Variants in TENM2 observed in about 807,000 individuals in gnomAD.
TENM2 encodes the protein teneurin transmembrane protein 2.
A neutral mutation model predicts 245.2 loss-of-function variants in TENM2; 52 were observed. The observed-to-expected ratio is 0.21, with a 90% CI of 0.17 to 0.27. TENM2 has a LOEUF of 0.27. Among genes scored for constraint, TENM2 ranks in the 10% least tolerant of loss-of-function variants. The probability of loss-of-function intolerance (pLI) is 1.00; values close to 1 mark genes in which losing one functional copy is unlikely to be tolerated. For synonymous variants in TENM2, 1,363 were observed against 1,438.9 expected (o/e 0.95, Z 1.19); for missense variants, 3,046 against 3,666.8 (o/e 0.83, Z 4.37).
At chr5:167,630,059 C>A (rs1000445989) in intron 2 of TENM2, among the ~76,000 whole-genome samples, 1 of 151,958 alleles carries the variant, frequency 6.6e-6, no homozygotes, top group Non-Finnish European at 1.5e-5. Flanking sequence ...ATGTACAATG[C>A]ACATATTTCT....
At chr5:167,768,947 C>T (rs1285543859) in intron 2 of TENM2, among the ~76,000 whole-genome samples, 5 of 152,146 alleles carry the variant, frequency 3.3e-5, no homozygotes, top group African/African-American at 1.2e-4. Flanking sequence ...CTTTCTTCCC[C>T]ACATCTCCTA....
chr5:168,088,375 A>T lies in TENM2; in HGVS notation c.1516-2199A>T, dbSNP rs183000549. On this transcript the variant is annotated intron_variant, in intron 7 of 28. Transcript: ENST00000518659. The stretch of plus-strand genomic sequence containing the variant: ...GCATCAGTTTGTCATATCACTTTAA[A>T]TCATTTATTTTATCCCACAAAGACA... The T allele has an allele frequency of 3.3e-5, 5 of 152,344 alleles. No individual in the cohort carries two copies. In the East Asian group the frequency reaches 9.6e-4, roughly 29 times the overall value. 9.4% of individuals were successfully genotyped at this position (152,344 alleles called of 1,614,324 possible). A position where few individuals can be genotyped will look rare whatever the true frequency, so the allele number is the denominator to read the frequency against.
chr5:167,858,802 C>A (rs1177356583), intron 2 of TENM2, among the ~76,000 whole-genome samples: 1 of 149,602 alleles, frequency 6.7e-6, no homozygotes, highest in Non-Finnish European at 1.5e-5. Context: ...TTTGCCGCCG[C>A]GCCGGCGAGC....
At chr5:168,192,249 T>A (rs1476294204) in intron 14 of TENM2, among the ~76,000 whole-genome samples, 3 of 152,062 alleles carry the variant, frequency 2.0e-5, no homozygotes, top group Non-Finnish European at 2.9e-5. Context: ...GCCCTAGAAA[T>A]GTAATTCTCC....
At chr5:167,300,014 C>T (rs1394043525) in intron 1 of TENM2, among the ~76,000 whole-genome samples, 1 of 152,138 alleles carries the variant, frequency 6.6e-6, no homozygotes, top group East Asian at 1.9e-4. Context: ...AGCTGCTGCA[C>T]GCAGACATGA....
At chr5:167,937,411 G>A (rs1438025952) in intron 3 of TENM2, among the ~76,000 whole-genome samples, 2 of 152,196 alleles carry the variant, frequency 1.3e-5, no homozygotes. Context: ...TTATTAGGGT[G>A]TGTGGTAAGT....
chr5:167,210,685 G>A, the TENM2 span, among the ~76,000 whole-genome samples: 157 of 150,996 alleles, frequency 1.0e-3, no homozygotes, highest in Admixed American at 6.7e-3. Flanking sequence ...GGATGGTCTC[G>A]ATCTCCTGAC....
At chr5:167,282,970 C>G (rs1771139860), upstream of TENM2, among the ~76,000 whole-genome samples, 1 of 152,132 alleles carries the variant, frequency 6.6e-6, no homozygotes, top group Admixed American at 6.5e-5. Context: ...AGCAAGCTAG[C>G]TACTGCTTGT....
intron 13 of TENM2, among the ~76,000 whole-genome samples, chr5:168,178,514 A>G (rs551898033): frequency 9.2e-5 from 14 of 152,318 alleles, no homozygotes; most frequent in Admixed American, 2.0e-4. Context: ...CTCTAGGCTA[A>G]CAAGGGTGAG....
At chr5:167,672,473 G>A (rs1756021132) in intron 2 of TENM2, among the ~76,000 whole-genome samples, 1 of 151,914 alleles carries the variant, frequency 6.6e-6, no homozygotes, top group African/African-American at 2.4e-5. Flanking sequence ...GTGGCCTTCT[G>A]GTGATCTAAC....
At chr5:167,336,369 G>T (rs1452039331) in intron 1 of TENM2, among the ~76,000 whole-genome samples, 1 of 150,978 alleles carries the variant, frequency 6.6e-6, no homozygotes, top group Non-Finnish European at 1.5e-5. Context: ...TGATTAAGAG[G>T]ATAAAAAGGC....
intron 2 of TENM2, among the ~76,000 whole-genome samples, chr5:167,696,088 A>G (rs913361154): frequency 1.3e-5 from 2 of 152,106 alleles, no homozygotes; most frequent in Non-Finnish European, 2.9e-5. Context: ...TACAAACAAA[A>G]ATATTAAGTA....
chr5:167,409,451 A>G (rs1359864996), intron 2 of TENM2, among the ~76,000 whole-genome samples: 1 of 152,012 alleles, frequency 6.6e-6, no homozygotes, highest in African/African-American at 2.4e-5. Context: ...TTAATAACAT[A>G]GGGAAGTACT....
At chr5:167,326,180 C>G (rs1309371823) in intron 1 of TENM2, among the ~76,000 whole-genome samples, 3 of 152,036 alleles carry the variant, frequency 2.0e-5, no homozygotes, top group African/African-American at 7.2e-5. Context: ...GACTTCATGA[C>G]AAGACAGGGA....
chr5:167,384,987 G>A lies in TENM2; in HGVS notation c.502+9514G>A, dbSNP rs141115734. On this transcript the variant is annotated intron_variant, in intron 2 of 28. Coordinates refer to ENST00000518659, the Ensembl canonical transcript of TENM2. ...ATAACCCCACACTCCCGCAGTACAG[G>A]GAGTGTTCCTTACAGTGCAATCTAT... 7.8e-3 allele frequency among the ~76,000 whole-genome samples: 1,193 copies of A among 152,210 alleles called. 25 individuals are homozygous for A. The highest frequency in any genetic ancestry group is 0.027 in the African/African-American group (1,131 of 41,540).
At chr5:167,887,779 A>G (rs1774406978) in intron 3 of TENM2, among the ~76,000 whole-genome samples, 1 of 152,210 alleles carries the variant, frequency 6.6e-6, no homozygotes, top group Admixed American at 6.5e-5. Flanking sequence ...ACAAAGTACC[A>G]CGAACTAGGT....
intron 5 of TENM2, among the ~76,000 whole-genome samples, chr5:167,993,858 A>G (rs577675983): frequency 1.3e-5 from 2 of 152,338 alleles, no homozygotes; most frequent in African/African-American, 4.8e-5. Flanking sequence ...GACTCAGTGT[A>G]TGACATAGGT....
chr5:167,255,385 C>T, the TENM2 span, among the ~76,000 whole-genome samples: 2 of 152,034 alleles, frequency 1.3e-5, no homozygotes, highest in Non-Finnish European at 2.9e-5. Flanking sequence ...TTGTGAAGGT[C>T]CTATTTCCAC....
At chr5:167,573,670 T>C (rs1026805702) in intron 2 of TENM2, among the ~76,000 whole-genome samples, 2 of 152,048 alleles carry the variant, frequency 1.3e-5, no homozygotes, top group Non-Finnish European at 2.9e-5. Flanking sequence ...CACTCAAGCC[T>C]AGCGGTGCTT....
Sources: gnomAD v4.1 joint callset for allele counts (sites outside exome capture counted in the v4.1 genomes callset) on GRCh38, gnomAD v4.1.1 for gene constraint, MANE v1.5 for transcripts, NCBI Gene and HGNC (gene_info 2026-07-23, HGNC 2026-07-21) for gene names.